Variants in SETBP1 observed in about 807,000 individuals in gnomAD.
SETBP1 encodes the protein SET-binding protein.
SETBP1 carries 9 observed loss-of-function variants against 101.0 expected under a neutral mutation model. The observed-to-expected ratio is 0.09, with a 90% CI of 0.05 to 0.16. SETBP1 has a LOEUF of 0.16. SETBP1 is among the 10% of genes least tolerant of loss of function. The pLI, the probability that SETBP1 is intolerant of heterozygous loss-of-function variation, is 1.00. For synonymous variants in SETBP1, 818 were observed against 788.5 expected, an observed-to-expected ratio of 1.04 and a Z score of -0.63; for missense variants, 1,858 against 2,033.8, an observed-to-expected ratio of 0.91 and a Z score of 1.66.
intron 2 of SETBP1, among the ~76,000 whole-genome samples, chr18:44,711,084 C>T (rs796166007): frequency 5.3e-5 from 8 of 152,290 alleles, no homozygotes; most frequent in African/African-American, 9.6e-5. Flanking sequence ...AGTGAGCCCC[C>T]GCTGCTGGGG....
At chr18:44,870,265 C>T (rs575624668) in intron 3 of SETBP1, 4 of 152,368 alleles carry the variant, frequency 2.6e-5, no homozygotes, top group African/African-American at 4.8e-5. Context: ...ACCCTCCCTA[C>T]CCTTCTCCCA....
chr18:44,831,714 A>AT (rs2072374538), intron 2 of SETBP1, among the ~76,000 whole-genome samples: 1 of 152,254 alleles, frequency 6.6e-6, no homozygotes, highest in Non-Finnish European at 1.5e-5. Context: ...TGCCATATAC[A>AT]TGTTCTATAA....
chr18:44,701,415 C>T lies in SETBP1; in HGVS notation c.69C>T (p.Ser23=), dbSNP rs1166375180. 8.8e-6 allele frequency: 14 copies of T among 1,589,996 alleles called. No individual in the cohort carries two copies. Among genetic ancestry groups the T allele is most frequent in the Non-Finnish European group, 1.2e-5 (14 of 1,167,130 alleles). ...GCGAGTCAGACTTCCTGCCGGTCTCCTCAGCCAAGCCCCCAGCTGCTCCTG... is the reference window on the plus strand; with the variant it reads ...GCGAGTCAGACTTCCTGCCGGTCTCTTCAGCCAAGCCCCCAGCTGCTCCTG... The part of the protein sequence containing the change: ...RGGESDFLPV[S]SAKPPAAPGC... Residue 23 remains serine, a synonymous_variant, in exon 2 of 6, where the codon TCC becomes TCT. Coordinates refer to ENST00000649279, the MANE Select transcript of SETBP1 (RefSeq NM_015559.3).
chr18:45,051,767 A>G (rs762019125), intron 5 of SETBP1, among the ~76,000 whole-genome samples: 1 of 152,050 alleles, frequency 6.6e-6, no homozygotes, highest in African/African-American at 2.4e-5. Flanking sequence ...ATAAATTCCA[A>G]TCTTGCTTTA....
chr18:44,820,951 A>T (rs1461572736), intron 2 of SETBP1, among the ~76,000 whole-genome samples: 3 of 152,222 alleles, frequency 2.0e-5, no homozygotes, highest in East Asian at 3.9e-4. Flanking sequence ...CCATCAAAGT[A>T]ACATTTCCTT....
At chr18:44,846,724 C>A (rs769372978) in intron 2 of SETBP1, among the ~76,000 whole-genome samples, 9 of 152,346 alleles carry the variant, frequency 5.9e-5, no homozygotes, top group Middle Eastern at 3.4e-3. Context: ...CTAGAGTAAT[C>A]TTCCAAAGCC....
intron 2 of SETBP1, among the ~76,000 whole-genome samples, chr18:44,812,417 A>T (rs868509847): frequency 6.6e-6 from 1 of 152,206 alleles, no homozygotes; most frequent in African/African-American, 2.4e-5. Flanking sequence ...TCTAGAAAAT[A>T]GTGTCAGGGC....
intron 3 of SETBP1, among the ~76,000 whole-genome samples, chr18:44,943,139 G>A (rs1370144237): frequency 6.6e-6 from 1 of 152,118 alleles, no homozygotes; most frequent in Non-Finnish European, 1.5e-5. Flanking sequence ...ATAAGCTTTG[G>A]GACAATTTCA....
intron 5 of SETBP1, among the ~76,000 whole-genome samples, chr18:45,048,260 A>G (rs1207819648): frequency 1.3e-5 from 2 of 152,200 alleles, no homozygotes; most frequent in African/African-American, 4.8e-5. Flanking sequence ...TTTCTCATCA[A>G]TGAAATGAGA....
intron 3 of SETBP1, among the ~76,000 whole-genome samples, chr18:44,889,714 G>A (rs2069725549): frequency 6.6e-6 from 1 of 152,086 alleles, no homozygotes; most frequent in Admixed American, 6.6e-5. Flanking sequence ...ACCCAAGACA[G>A]TTTTCTTAGA....
intron 5 of SETBP1, among the ~76,000 whole-genome samples, chr18:45,054,471 C>A (rs1250926494): frequency 6.6e-6 from 1 of 152,186 alleles, no homozygotes; most frequent in Non-Finnish European, 1.5e-5. Flanking sequence ...CAGGCGTGAG[C>A]CACCGTGCCC....
chr18:45,013,404 GT>G (rs2072878435), intron 4 of SETBP1, among the ~76,000 whole-genome samples: 1 of 148,680 alleles, frequency 6.7e-6, no homozygotes, highest in African/African-American at 2.6e-5. Flanking sequence ...ATATCTGACT[GT>G]TTCTGACTCT....
At chr18:44,686,462 T>C (rs1869415679) in intron 1 of SETBP1, among the ~76,000 whole-genome samples, 1 of 152,180 alleles carries the variant, frequency 6.6e-6, no homozygotes, top group African/African-American at 2.4e-5. Context: ...ACTAGTTCCT[T>C]CTTCCCAGCT....
At position 44,727,830 on chromosome 18, in the gene SETBP1, ATTC is replaced by A. The variant is rs566144642; in HGVS notation, c.486+26004_486+26006del. On this transcript the variant is annotated intron_variant, in intron 2 of 5. Coordinates refer to ENST00000649279, the MANE Select transcript of SETBP1 (RefSeq NM_015559.3). The stretch of plus-strand genomic sequence containing the variant: ...TTGGGTCAAAGTAATCCAACAAGTA[ATTC>A]TTCTTATAGCCCCCACTTCTTGGTC... Among the ~76,000 whole-genome samples the A allele has an allele frequency of 1.7e-3, 261 of 152,272 alleles. 2 individuals are homozygous for A. The highest frequency in any genetic ancestry group is 6.0e-3 in the African/African-American group (250 of 41,554).
chr18:44,681,566 C>A (rs572754850), intron 1 of SETBP1, among the ~76,000 whole-genome samples: 1 of 144,938 alleles, frequency 6.9e-6, no homozygotes, highest in African/African-American at 2.5e-5. Flanking sequence ...CCCCGCCCCC[C>A]CATCCAGACC....
At chr18:44,722,390 T>C (rs898723165) in intron 2 of SETBP1, among the ~76,000 whole-genome samples, 1 of 152,152 alleles carries the variant, frequency 6.6e-6, no homozygotes, top group African/African-American at 2.4e-5. Context: ...TCAATTCTTG[T>C]GCTTAATGGG....
chr18:44,725,007 G>T (rs937254759), intron 2 of SETBP1, among the ~76,000 whole-genome samples: 1 of 152,104 alleles, frequency 6.6e-6, no homozygotes, highest in African/African-American at 2.4e-5. Flanking sequence ...TTCCTAATTT[G>T]GGATGCACAG....
At chr18:44,935,122 C>T (rs927617270) in intron 3 of SETBP1, among the ~76,000 whole-genome samples, 64 of 152,204 alleles carry the variant, frequency 4.2e-4, no homozygotes, top group African/African-American at 1.5e-3. Context: ...GCTCTGCCCA[C>T]CAGCCTCTGT....
chr18:44,975,979 C>A (rs1374702847), intron 4 of SETBP1, among the ~76,000 whole-genome samples: 1 of 151,822 alleles, frequency 6.6e-6, no homozygotes, highest in African/African-American at 2.4e-5. Flanking sequence ...TTTCTGTCTA[C>A]CTTAAGGAAT....
Sources: gnomAD v4.1 joint callset for allele counts (sites outside exome capture counted in the v4.1 genomes callset) on GRCh38, gnomAD v4.1.1 for gene constraint, MANE v1.5 for transcripts, NCBI Gene and HGNC (gene_info 2026-07-23, HGNC 2026-07-21) for gene names.